Variants in TEC observed in about 807,000 individuals in gnomAD.
TEC encodes the protein tec protein tyrosine kinase.
In TEC, 72 loss-of-function variants were observed where a neutral mutation model predicts 93.0. That is an observed-to-expected ratio of 0.77 (90% confidence interval 0.64 to 0.94). TEC has a LOEUF of 0.94. Ranked by LOEUF, TEC falls within the 40% of genes least tolerant of loss-of-function variation. TEC has a pLI of 0.00. For missense variants in TEC, 630 were observed against 757.9 expected (o/e 0.83, Z 1.98); for synonymous variants, 249 against 247.7 (o/e 1.01, Z -0.05).
At position 48,228,649 on chromosome 4, in the gene TEC, A is replaced by T. The variant is rs1723559250; in HGVS notation, c.-35T>A. On this transcript the variant is annotated 5_prime_UTR_variant, in exon 2 of 18. Transcript: ENST00000381501. ...CTGATTACTCCTCCTGCCACTGAAGATCCCAGTATTCTACAGTGAAAAAAG... is the reference window on the plus strand; with the variant it reads ...CTGATTACTCCTCCTGCCACTGAAGTTCCCAGTATTCTACAGTGAAAAAAG... 1.9e-6 allele frequency: 3 copies of T among 1,600,912 alleles called. No individual in the cohort carries two copies. Among genetic ancestry groups the T allele is most frequent in the African/African-American group, 2.7e-5 (2 of 73,936 alleles).
intron 7 of TEC, among the ~76,000 whole-genome samples, chr4:48,164,083 C>T (rs1016714357): frequency 6.6e-6 from 1 of 152,172 alleles, no homozygotes; most frequent in Non-Finnish European, 1.5e-5. Context: ...AGGGCCAGAA[C>T]TCAAACTCTG....
chr4:48,220,391 G>A (rs1244857977), intron 2 of TEC, among the ~76,000 whole-genome samples: 2 of 152,016 alleles, frequency 1.3e-5, no homozygotes, highest in African/African-American at 2.4e-5. Flanking sequence ...TTTGGGTCAT[G>A]GGGGGCAGAT....
chr4:48,194,473 T>C (rs1722217782), intron 2 of TEC, among the ~76,000 whole-genome samples: 1 of 152,264 alleles, frequency 6.6e-6, no homozygotes. Context: ...GTTTGTTTTC[T>C]AGACGTCTTT....
intron 1 of TEC, among the ~76,000 whole-genome samples, chr4:48,261,968 G>A: frequency 6.6e-6 from 1 of 151,902 alleles, no homozygotes. Flanking sequence ...ATAACACTAT[G>A]CTAAGAAAAA....
chr4:48,243,871 A>T (rs1255855974), intron 1 of TEC, among the ~76,000 whole-genome samples: 4 of 152,096 alleles, frequency 2.6e-5, no homozygotes, highest in Non-Finnish European at 5.9e-5. Context: ...AATGTAAATG[A>T]CAAGTTGATG....
At chr4:48,137,861 T>C (rs1198438430) in intron 17 of TEC, among the ~76,000 whole-genome samples, 2 of 152,176 alleles carry the variant, frequency 1.3e-5, no homozygotes, top group Non-Finnish European at 2.9e-5. Flanking sequence ...GTCTGTTAAA[T>C]AGGGCCACTG....
At chr4:48,240,234 A>G (rs1723890403) in intron 1 of TEC, among the ~76,000 whole-genome samples, 1 of 152,246 alleles carries the variant, frequency 6.6e-6, no homozygotes, top group African/African-American at 2.4e-5. Flanking sequence ...TCCACAATAA[A>G]AAGTGTTTAA....
At chr4:48,215,433 G>A (rs1263850339) in intron 2 of TEC, among the ~76,000 whole-genome samples, 9 of 152,232 alleles carry the variant, frequency 5.9e-5, no homozygotes, top group Non-Finnish European at 1.3e-4. Flanking sequence ...CTTGAGCCTG[G>A]GAGGTGGAGA....
At chr4:48,228,840 C>A (rs1469749704) in intron 1 of TEC, among the ~76,000 whole-genome samples, 181 bp from the exon 2 acceptor site, 2 of 152,192 alleles carry the variant, frequency 1.3e-5, no homozygotes, top group Non-Finnish European at 2.9e-5. Flanking sequence ...TTTCCAGTTT[C>A]CATCCTGCTC....
intron 11 of TEC, among the ~76,000 whole-genome samples, chr4:48,146,716 C>T (rs1577697726): frequency 6.6e-6 from 1 of 152,022 alleles, no homozygotes; most frequent in African/African-American, 2.4e-5. Context: ...GATTAGTCTG[C>T]TAAAAATGGA....
At chr4:48,157,896 C>A (rs1720468090) in intron 8 of TEC, among the ~76,000 whole-genome samples, 1 of 152,206 alleles carries the variant, frequency 6.6e-6, no homozygotes, top group African/African-American at 2.4e-5. Context: ...ACTTGCCTCT[C>A]TCTACTTTCC....
intron 3 of TEC, among the ~76,000 whole-genome samples, chr4:48,172,335 A>G (rs772711950): frequency 6.6e-6 from 1 of 152,162 alleles, no homozygotes; most frequent in African/African-American, 2.4e-5. Flanking sequence ...GTCCACACCC[A>G]CTGGATTGAA....
At chr4:48,193,228 G>A (rs1470750838) in intron 2 of TEC, among the ~76,000 whole-genome samples, 2 of 151,242 alleles carry the variant, frequency 1.3e-5, no homozygotes, top group Non-Finnish European at 2.9e-5. Context: ...GGGATCAAGC[G>A]ATCCTCCCAC....
chr4:48,165,036 A>G (rs568117766), intron 7 of TEC, among the ~76,000 whole-genome samples: 1 of 152,302 alleles, frequency 6.6e-6, no homozygotes, highest in East Asian at 1.9e-4. Flanking sequence ...AAAGAAAAGA[A>G]AAGAAAAATG....
chr4:48,214,151 A>G (rs1722996855), intron 2 of TEC, among the ~76,000 whole-genome samples: 2 of 152,216 alleles, frequency 1.3e-5, no homozygotes, highest in Admixed American at 1.3e-4. Context: ...ATTGTGTGTG[A>G]TATGTTTAAA....
chr4:48,191,560 GAACA>G (rs370062597), intron 2 of TEC, among the ~76,000 whole-genome samples: 7 of 152,196 alleles, frequency 4.6e-5, no homozygotes, highest in African/African-American at 1.7e-4. Context: ...AAATATCACA[GAACA>G]AACTAGGGAA....
At chr4:48,245,175 C>A (rs769730831) in intron 1 of TEC, among the ~76,000 whole-genome samples, 17 of 151,882 alleles carry the variant, frequency 1.1e-4, no homozygotes, top group Non-Finnish European at 2.2e-4. Context: ...TGTCTGTAAT[C>A]CCAGCTACTC....
intron 2 of TEC, among the ~76,000 whole-genome samples, chr4:48,195,314 T>G (rs1239496910): frequency 6.6e-6 from 1 of 152,230 alleles, no homozygotes; most frequent in Non-Finnish European, 1.5e-5. Context: ...AAATATTTTT[T>G]AAAGCCTGAT....
At chr4:48,209,967 G>A (rs1722843480) in intron 2 of TEC, among the ~76,000 whole-genome samples, 3 of 152,204 alleles carry the variant, frequency 2.0e-5, no homozygotes, top group Admixed American at 2.0e-4. Context: ...GAAATGTTAT[G>A]TGCTCTACAG....
Sources: allele counts gnomAD v4.1 joint callset (sites outside exome capture counted in the v4.1 genomes callset), GRCh38; gene constraint gnomAD v4.1.1; transcripts MANE v1.5; gene names NCBI Gene and HGNC (gene_info 2026-07-23, HGNC 2026-07-21).